CDA: variants seen among roughly 807,000 people sequenced by gnomAD.
CDA encodes cytidine aminohydrolase.
A neutral mutation model predicts 15.0 loss-of-function variants in CDA; 7 were observed. The ratio of observed to expected loss-of-function variants is 0.47; its 90% CI spans 0.26 to 0.87. The LOEUF (loss-of-function observed/expected upper bound fraction) is 0.87. Among genes scored for constraint, CDA ranks in the 40% least tolerant of loss-of-function variants. The probability of loss-of-function intolerance (pLI) is 0.15; values close to 1 mark genes in which losing one functional copy is unlikely to be tolerated. For missense variants in CDA, 159 were observed against 182.7 expected (o/e 0.87, Z 0.75); for synonymous variants, 58 against 73.0 (o/e 0.79, Z 1.05).
At chr1:20,606,320 G>A (rs1277542867) in intron 2 of CDA, among the ~76,000 whole-genome samples, 1 of 151,916 alleles carries the variant, frequency 6.6e-6, no homozygotes, top group East Asian at 1.9e-4. Context: ...GAGTGACAGA[G>A]CGAGATTCCG....
chr1:20,618,597 A>G lies in CDA; in HGVS notation c.*29A>G, dbSNP rs1306952834. ...CCAGAGAATGCCCACTGCCTGTAAC[A>G]GCCACCTGGAGAACTTCATAAAGAT... is the stretch of plus-strand genomic sequence containing the variant. On this transcript the variant is annotated 3_prime_UTR_variant, in exon 4 of 4. Transcript: ENST00000375071. 1 of 1,287,026 alleles carries G rather than the reference A, an allele frequency of 7.8e-7. No homozygotes were observed. Among genetic ancestry groups the G allele is most frequent in the Admixed American group, 1.7e-5 (1 of 59,602 alleles). The allele number at this position is 1,287,026 out of a possible 1,614,324, so 79.7% of individuals were successfully genotyped here.
At chr1:20,595,701 G>A (rs943342454) in intron 1 of CDA, among the ~76,000 whole-genome samples, 35 of 152,164 alleles carry the variant, frequency 2.3e-4, no homozygotes, top group Admixed American at 1.8e-3. Flanking sequence ...TTAGCCAGGC[G>A]TGGTGGCACA....
At position 20,589,214 on chromosome 1, in the gene CDA, G is replaced by A. The variant is rs1475307576; in HGVS notation, c.85G>A (p.Ala29Thr). 2 of 1,613,882 alleles carry A rather than the reference G, an allele frequency of 1.2e-6. No homozygotes were observed. Among genetic ancestry groups the A allele is most frequent in the East Asian group, 4.5e-5 (2 of 44,870 alleles). ...TTGCTCCCAGGAGGCCAAGAAGTCAGCCTACTGCCCCTACAGTCACTTTCC... is the reference window on the plus strand; with the variant it reads ...TTGCTCCCAGGAGGCCAAGAAGTCAACCTACTGCCCCTACAGTCACTTTCC... ...LVCSQEAKKS[A>T]YCPYSHFPVG... is the part of the protein sequence containing the mutation. The change falls in exon 1 of 4, where the codon GCC becomes ACC. Residue 29 changes from alanine to threonine, a missense_variant. By Grantham distance (58) the Ala-to-Thr change is moderately conservative. Transcript: ENST00000375071.
At chr1:20,611,069 A>G (rs2052746477) in intron 2 of CDA, among the ~76,000 whole-genome samples, 1 of 152,106 alleles carries the variant, frequency 6.6e-6, no homozygotes, top group African/African-American at 2.4e-5. Context: ...GTAAGATCCT[A>G]TTTCTACAAC....
intron 1 of CDA, among the ~76,000 whole-genome samples, chr1:20,592,618 T>C (rs1189906138): frequency 6.6e-6 from 1 of 152,190 alleles, no homozygotes; most frequent in Non-Finnish European, 1.5e-5. Context: ...CAGTATCTGC[T>C]CCACTCACTG....
At chr1:20,616,766 C>T (rs906170352) in intron 3 of CDA, among the ~76,000 whole-genome samples, 5 of 152,138 alleles carry the variant, frequency 3.3e-5, no homozygotes, top group African/African-American at 7.2e-5. Context: ...CACGTAAACT[C>T]GCCCTCGGCT....
intron 2 of CDA, among the ~76,000 whole-genome samples, chr1:20,605,634 T>C (rs1393470799): frequency 8.4e-6 from 1 of 118,922 alleles, no homozygotes; most frequent in African/African-American, 3.0e-5. Context: ...CACTCCAGCC[T>C]GGGCGACAGA....
chr1:20,599,671 A>ATAAAATATAAAATAAAATAAAG (rs2052624347), intron 1 of CDA, among the ~76,000 whole-genome samples: 5 of 149,074 alleles, frequency 3.4e-5, no homozygotes, highest in African/African-American at 1.3e-4. Context: ...ATAAAATAAA[A>ATAAAATATAAAATAAAATAAAG]ATAAAGGATT....
intron 3 of CDA, among the ~76,000 whole-genome samples, chr1:20,615,317 G>T (rs1570387929): frequency 6.6e-6 from 1 of 151,716 alleles, no homozygotes; most frequent in Non-Finnish European, 1.5e-5. Context: ...TTGATGGAAG[G>T]CTGCAATTTC....
intron 1 of CDA, among the ~76,000 whole-genome samples, chr1:20,590,713 G>A (rs471760): frequency 0.24 from 37,240 of 152,152 alleles, 5,477 homozygotes; most frequent in Middle Eastern, 0.4. Flanking sequence ...GAATCTTTGT[G>A]CCATTGACTT....
At chr1:20,608,393 AGTTTTGTTTT>A (rs78313074) in intron 2 of CDA, among the ~76,000 whole-genome samples, 17,157 of 104,924 alleles carry the variant, frequency 0.16, 1,089 homozygotes, top group Admixed American at 0.25. Flanking sequence ...ACTATTATAT[AGTTTTGTTTT>A]GTTTTGTTTT....
intron 2 of CDA, among the ~76,000 whole-genome samples, chr1:20,612,959 A>G (rs914909707): frequency 5.3e-5 from 8 of 151,202 alleles, no homozygotes; most frequent in Non-Finnish European, 7.4e-5. Flanking sequence ...AAAAAAAAAA[A>G]AAAGCCTGTT....
At chr1:20,601,422 A>G (rs1466204476) in intron 1 of CDA, among the ~76,000 whole-genome samples, 1 of 152,234 alleles carries the variant, frequency 6.6e-6, no homozygotes. Context: ...AGGGGAAAAA[A>G]TGTAAGAGGT....
At chr1:20,610,679 A>G (rs1398659491) in intron 2 of CDA, among the ~76,000 whole-genome samples, 1 of 152,230 alleles carries the variant, frequency 6.6e-6, no homozygotes, top group Non-Finnish European at 1.5e-5. Context: ...ACTGTGTATG[A>G]TAAAGTACTA....
rs548117062 is a variant in CDA at position 20,611,065 on chromosome 1, T to A, written c.267-2777T>A. Among the ~76,000 whole-genome samples the A allele has an allele frequency of 2.0e-5, 3 of 152,158 alleles. No individual in the cohort carries two copies. In the East Asian group the frequency reaches 5.8e-4, roughly 29 times the overall value. The stretch of plus-strand genomic sequence containing the variant: ...GACCAGCCTGGGCAATATAGTAAGA[T>A]CCTATTTCTACAACAAATCAGAAAA... On this transcript the variant is annotated intron_variant, in intron 2 of 3. Transcript: ENST00000375071.
At chr1:20,596,801 C>T (rs1384980327) in intron 1 of CDA, among the ~76,000 whole-genome samples, 2 of 139,104 alleles carry the variant, frequency 1.4e-5, no homozygotes, top group Non-Finnish European at 3.0e-5. Context: ...CACTCTGTTG[C>T]CCAGTCTGGA....
chr1:20,614,590 T>A (rs183424785), intron 3 of CDA, among the ~76,000 whole-genome samples: 1 of 152,300 alleles, frequency 6.6e-6, no homozygotes, highest in East Asian at 1.9e-4. Flanking sequence ...AAGGCCCTCT[T>A]TTTGAGCATG....
chr1:20,602,458 C>T (rs1227525950), intron 1 of CDA, among the ~76,000 whole-genome samples: 1 of 151,944 alleles, frequency 6.6e-6, no homozygotes, highest in Non-Finnish European at 1.5e-5. Context: ...GAGTCTCACT[C>T]TGTCGCCCAG....
chr1:20,591,260 G>A (rs2052546567), intron 1 of CDA, among the ~76,000 whole-genome samples: 2 of 152,088 alleles, frequency 1.3e-5, no homozygotes, highest in East Asian at 3.9e-4. Flanking sequence ...AGAATGGTGT[G>A]AACCTGGGAG....
Sources: allele counts gnomAD v4.1 joint callset (sites outside exome capture counted in the v4.1 genomes callset), GRCh38; gene constraint gnomAD v4.1.1; transcripts MANE v1.5; gene names NCBI Gene and HGNC (gene_info 2026-07-23, HGNC 2026-07-21).